SNTG2: variants seen among roughly 807,000 people sequenced by gnomAD.
The protein encoded by SNTG2 is gamma-2-syntrophin.
A neutral mutation model predicts 70.9 loss-of-function variants in SNTG2; 74 were observed. The ratio of observed to expected loss-of-function variants is 1.04; its 90% confidence interval spans 0.86 to 1.27. The LOEUF (loss-of-function observed/expected upper bound fraction) is 1.27. Among genes scored for constraint, SNTG2 ranks in the 50% most tolerant of loss-of-function variants. The probability of loss-of-function intolerance (pLI) is 0.00; values close to 1 mark genes in which losing one functional copy is unlikely to be tolerated. For missense variants in SNTG2, 717 were observed against 690.7 expected (o/e 1.04, Z -0.43); for synonymous variants, 278 against 273.8 (o/e 1.02, Z -0.15).
At chr2:977,558 A>G (rs6758350) in intron 1 of SNTG2, among the ~76,000 whole-genome samples, 45,226 of 151,970 alleles carry the variant, frequency 0.3, 7,072 homozygotes, top group Middle Eastern at 0.4. Flanking sequence ...TAATAAAATA[A>G]CCGACAGCTT....
intron 1 of SNTG2, among the ~76,000 whole-genome samples, chr2:1,080,641 C>T (rs778124849): frequency 2.0e-5 from 3 of 147,700 alleles, no homozygotes; most frequent in Non-Finnish European, 4.5e-5. Context: ...TCTGTGTGCC[C>T]GTGTTTGTGT....
intron 4 of SNTG2, among the ~76,000 whole-genome samples, chr2:1,119,950 C>G (rs1397154817): frequency 6.6e-6 from 1 of 151,954 alleles, no homozygotes. Flanking sequence ...CTTTATCTAT[C>G]AATGATCACC....
chr2:1,365,918 C>G (rs1661454289), intron 16 of SNTG2, among the ~76,000 whole-genome samples: 1 of 152,148 alleles, frequency 6.6e-6, no homozygotes, highest in Non-Finnish European at 1.5e-5. Flanking sequence ...GAGGGCTTTA[C>G]CCGGTGATGT....
At chr2:1,282,820 C>G (rs1367435785) in intron 14 of SNTG2, among the ~76,000 whole-genome samples, 6 of 147,882 alleles carry the variant, frequency 4.1e-5, no homozygotes, top group Admixed American at 6.8e-5. Context: ...TTGACTGATA[C>G]GATAAGTAGA....
intron 15 of SNTG2, among the ~76,000 whole-genome samples, chr2:1,315,404 C>T (rs568918797): frequency 6.6e-6 from 1 of 152,198 alleles, no homozygotes; most frequent in Admixed American, 6.5e-5. Flanking sequence ...CTTTGTCTCT[C>T]CTGACACTTA....
chr2:1,047,315 C>T (rs1237908872), intron 1 of SNTG2, among the ~76,000 whole-genome samples: 3 of 152,302 alleles, frequency 2.0e-5, no homozygotes, highest in South Asian at 4.1e-4. Context: ...TGATGATCTT[C>T]CTTGCCATCC....
chr2:1,037,497 A>G (rs1661196624), intron 1 of SNTG2, among the ~76,000 whole-genome samples: 1 of 151,970 alleles, frequency 6.6e-6, no homozygotes, highest in Admixed American at 6.5e-5. Context: ...ATTTACAGCC[A>G]TTTTGCATGC....
intron 14 of SNTG2, among the ~76,000 whole-genome samples, chr2:1,276,222 A>G: frequency 6.6e-6 from 1 of 152,244 alleles, no homozygotes; most frequent in East Asian, 1.9e-4. Flanking sequence ...ACTAAACAAT[A>G]GATTTTCCAT....
At chr2:1,298,271 T>A (rs1012625662) in intron 14 of SNTG2, among the ~76,000 whole-genome samples, 1 of 152,010 alleles carries the variant, frequency 6.6e-6, no homozygotes, top group Non-Finnish European at 1.5e-5. Flanking sequence ...TAGCTGGAAT[T>A]ACAGATGCCC....
intron 4 of SNTG2, among the ~76,000 whole-genome samples, chr2:1,099,981 C>A (rs991062445): frequency 6.6e-6 from 1 of 152,110 alleles, no homozygotes; most frequent in African/African-American, 2.4e-5. Flanking sequence ...AATTAGGGGC[C>A]AGCAAGCCCC....
intron 4 of SNTG2, among the ~76,000 whole-genome samples, chr2:1,101,564 C>T (rs921069860): frequency 1.3e-4 from 20 of 152,092 alleles, no homozygotes; most frequent in Non-Finnish European, 2.5e-4. Context: ...TCCTGAATGT[C>T]TTGTGTTAAA....
intron 4 of SNTG2, among the ~76,000 whole-genome samples, chr2:1,131,058 A>G (rs996979476): frequency 1.3e-5 from 2 of 152,236 alleles, no homozygotes; most frequent in African/African-American, 4.8e-5. Context: ...GGAGCCCCAG[A>G]CAAGACACAG....
At chr2:1,347,023 T>C (rs554622541) in intron 16 of SNTG2, among the ~76,000 whole-genome samples, 2 of 152,032 alleles carry the variant, frequency 1.3e-5, no homozygotes, top group East Asian at 3.9e-4. Flanking sequence ...AAAAATCTGT[T>C]CAAGGGGATT....
chr2:1,212,687 T>A (rs962779008), intron 9 of SNTG2, among the ~76,000 whole-genome samples: 4 of 152,170 alleles, frequency 2.6e-5, no homozygotes, highest in Non-Finnish European at 5.9e-5. Context: ...TGAAACATAT[T>A]TGTGCAAAGT....
intron 8 of SNTG2, among the ~76,000 whole-genome samples, chr2:1,176,524 C>T (rs1671486340): frequency 6.6e-6 from 1 of 151,930 alleles, no homozygotes. Flanking sequence ...AGAGCTTCTG[C>T]ACAGCAAAAA....
At position 1,098,334 on chromosome 2, in the gene SNTG2, T is replaced by C. The variant is rs1466579527; in HGVS notation, c.268-19T>C. On this transcript the variant is annotated intron_variant, in intron 3 of 16. Transcript: ENST00000308624. ...GAATCATGATAACCACGTTTCTTTC[T>C]GATGGCTTTGTCTTTCAGGGAGGTT... The C allele has an allele frequency of 1.2e-6, 2 of 1,613,892 alleles. No homozygotes were observed.
chr2:999,790 A>G (rs1221736937), intron 1 of SNTG2, among the ~76,000 whole-genome samples: 1 of 152,002 alleles, frequency 6.6e-6, no homozygotes, highest in African/African-American at 2.4e-5. Flanking sequence ...CATAACAAAC[A>G]CATTGCATTC....
At chr2:1,005,900 T>G (rs1659557389) in intron 1 of SNTG2, among the ~76,000 whole-genome samples, 2 of 120,440 alleles carry the variant, frequency 1.7e-5, no homozygotes, top group African/African-American at 3.1e-5. Flanking sequence ...TCTTGAGACT[T>G]TATTTTTATA....
At chr2:968,223 T>C (rs1248639160) in intron 1 of SNTG2, among the ~76,000 whole-genome samples, 2 of 152,198 alleles carry the variant, frequency 1.3e-5, no homozygotes, top group East Asian at 3.9e-4. Context: ...TGATAGTGTC[T>C]GTCTTTCAGG....
Sources: gnomAD v4.1 joint callset for allele counts (sites outside exome capture counted in the v4.1 genomes callset) on GRCh38, gnomAD v4.1.1 for gene constraint, MANE v1.5 for transcripts, NCBI Gene and HGNC (gene_info 2026-07-23, HGNC 2026-07-21) for gene names.